Variants in ZNF385D observed in about 807,000 individuals in gnomAD.
The protein encoded by ZNF385D is zinc finger protein 659.
A neutral mutation model predicts 35.8 loss-of-function variants in ZNF385D; 15 were observed. The ratio of observed to expected loss-of-function variants is 0.42; its 90% CI spans 0.28 to 0.64. ZNF385D has a LOEUF of 0.64. Ranked by LOEUF, ZNF385D falls within the 30% of genes least tolerant of loss-of-function variation. ZNF385D has a pLI of 0.23. For missense variants in ZNF385D, 474 were observed against 494.6 expected (o/e 0.96, Z 0.39); for synonymous variants, 212 against 186.8 (o/e 1.13, Z -1.10).
intron 3 of ZNF385D, among the ~76,000 whole-genome samples, chr3:21,953,883 G>C (rs529162544): frequency 6.6e-6 from 1 of 151,850 alleles, no homozygotes; most frequent in Non-Finnish European, 1.5e-5. Context: ...CACAATGAAG[G>C]CACATGTAGC....
At chr3:22,143,360 A>G (rs1704648532) in intron 3 of ZNF385D, among the ~76,000 whole-genome samples, 1 of 152,172 alleles carries the variant, frequency 6.6e-6, no homozygotes, top group Non-Finnish European at 1.5e-5. Flanking sequence ...CTAGGATTAC[A>G]GGCATGAGCC....
chr3:21,507,627 G>T (rs768476794), intron 4 of ZNF385D, among the ~76,000 whole-genome samples: 18 of 151,990 alleles, frequency 1.2e-4, no homozygotes, highest in Non-Finnish European at 2.2e-4. Context: ...TTGAGATGAG[G>T]TCTCACTTAT....
At chr3:21,660,869 G>A (rs1222826871) in intron 2 of ZNF385D, among the ~76,000 whole-genome samples, 3 of 152,188 alleles carry the variant, frequency 2.0e-5, no homozygotes, top group Non-Finnish European at 4.4e-5. Flanking sequence ...GAGACAGTCA[G>A]CTTTTCTGAT....
intron 2 of ZNF385D, among the ~76,000 whole-genome samples, chr3:22,288,338 G>A (rs1559500469): frequency 6.6e-6 from 1 of 151,854 alleles, no homozygotes; most frequent in Non-Finnish European, 1.5e-5. Flanking sequence ...TATATTTTTG[G>A]TCTTTTCTTG....
intron 4 of ZNF385D, among the ~76,000 whole-genome samples, chr3:21,492,021 T>C (rs1705462544): frequency 6.6e-6 from 1 of 152,126 alleles, no homozygotes; most frequent in African/African-American, 2.4e-5. Flanking sequence ...ATACCATATA[T>C]GTAATTTTTC....
intron 3 of ZNF385D, among the ~76,000 whole-genome samples, chr3:21,948,511 T>C (rs1394765228): frequency 3.3e-5 from 5 of 152,126 alleles, no homozygotes; most frequent in Admixed American, 6.5e-5. Context: ...TTTGGACATA[T>C]AGTCACATAA....
chr3:21,815,433 C>T (rs1052555287), intron 3 of ZNF385D, among the ~76,000 whole-genome samples: 1 of 152,096 alleles, frequency 6.6e-6, no homozygotes, highest in Non-Finnish European at 1.5e-5. Context: ...TGATAGACCA[C>T]TAGCAAGACT....
intron 3 of ZNF385D, among the ~76,000 whole-genome samples, chr3:22,158,150 C>T (rs773835793): frequency 2.0e-5 from 3 of 152,044 alleles, no homozygotes; most frequent in South Asian, 2.1e-4. Context: ...CTGACATCTC[C>T]GGTTTATAAC....
chr3:22,329,079 A>T (rs796217576), intron 2 of ZNF385D, among the ~76,000 whole-genome samples: 1 of 150,168 alleles, frequency 6.7e-6, no homozygotes, highest in African/African-American at 2.4e-5. Context: ...TCCGTCTCAA[A>T]AAAAAAAAAA....
At chr3:21,812,529 T>C (rs887266983) in intron 3 of ZNF385D, among the ~76,000 whole-genome samples, 1 of 152,182 alleles carries the variant, frequency 6.6e-6, no homozygotes, top group Non-Finnish European at 1.5e-5. Flanking sequence ...TCTTAGCAAA[T>C]GGCACACCAG....
intron 2 of ZNF385D, among the ~76,000 whole-genome samples, chr3:22,297,744 T>C (rs908016489): frequency 1.3e-5 from 2 of 152,042 alleles, no homozygotes; most frequent in Non-Finnish European, 2.9e-5. Context: ...TTATGTAATA[T>C]AGAAGAGTAT....
At chr3:22,030,310 G>GATAT (rs1187137166) in intron 3 of ZNF385D, among the ~76,000 whole-genome samples, 1 of 43,340 alleles carries the variant, frequency 2.3e-5, no homozygotes, top group African/African-American at 1.1e-4. Flanking sequence ...TATCCTATTT[G>GATAT]GTCCATCCCT....
At chr3:22,342,790 TA>T (rs2125481713) in intron 2 of ZNF385D, among the ~76,000 whole-genome samples, 1 of 152,322 alleles carries the variant, frequency 6.6e-6, no homozygotes, top group South Asian at 2.1e-4. Context: ...CAATGGATTA[TA>T]ATTAAGTCAT....
intron 3 of ZNF385D, among the ~76,000 whole-genome samples, chr3:22,045,160 T>C (rs981811285): frequency 6.6e-6 from 1 of 151,832 alleles, no homozygotes; most frequent in Non-Finnish European, 1.5e-5. Context: ...TTGGGTCATA[T>C]TAAAAAAAAA....
At chr3:21,735,203 A>C (rs2125502583) in intron 1 of ZNF385D, among the ~76,000 whole-genome samples, 1 of 152,328 alleles carries the variant, frequency 6.6e-6, no homozygotes, top group East Asian at 1.9e-4. Context: ...TTGGAAAAGT[A>C]ACTTAATGTC....
intron 3 of ZNF385D, among the ~76,000 whole-genome samples, chr3:21,942,165 T>G (rs1202092173): frequency 2.0e-5 from 3 of 152,228 alleles, no homozygotes; most frequent in South Asian, 2.1e-4. Context: ...ATAGCGTAAT[T>G]TTTAAAATTT....
chr3:22,102,222 A>C (rs1448345736), intron 3 of ZNF385D, among the ~76,000 whole-genome samples: 2 of 151,914 alleles, frequency 1.3e-5, no homozygotes, highest in African/African-American at 4.8e-5. Flanking sequence ...ACATTAGTCA[A>C]TGTTTTTTTG....
rs900635428 is a variant in ZNF385D, at chr3:21,935,876, T to C, written c.325+232941A>G. On this transcript the variant is annotated intron_variant, in intron 3 of 5. Transcript: ENST00000494108. ...CACATCATGTGAGGTTTTAGAATTG[T>C]TCACATCATGTAAACAGAGTTTGGC... 2.0e-5 allele frequency among the ~76,000 whole-genome samples: 3 copies of C among 152,298 alleles called. No individual in the cohort carries two copies. In the East Asian group the frequency reaches 5.8e-4, roughly 29 times the overall value.
intron 3 of ZNF385D, among the ~76,000 whole-genome samples, chr3:22,130,649 A>C (rs1559392621): frequency 6.6e-6 from 1 of 152,134 alleles, no homozygotes; most frequent in Non-Finnish European, 1.5e-5. Context: ...AAGAGCACAG[A>C]TTCTCTCTTC....
Sources: gnomAD v4.1 joint callset for allele counts (sites outside exome capture counted in the v4.1 genomes callset) on GRCh38, gnomAD v4.1.1 for gene constraint, MANE v1.5 for transcripts, NCBI Gene and HGNC (gene_info 2026-07-23, HGNC 2026-07-21) for gene names.